Variants in ZEB1 observed in about 807,000 individuals in gnomAD.
ZEB1 encodes the protein zinc finger E-box binding homeobox 1.
In ZEB1, 21 loss-of-function variants were observed where a neutral mutation model predicts 84.9. That is an observed-to-expected ratio of 0.25 (90% confidence interval 0.18 to 0.36). ZEB1 has a LOEUF of 0.36. Among genes scored for constraint, ZEB1 ranks in the 10% least tolerant of loss-of-function variants. ZEB1 has a pLI of 1.00. For missense variants in ZEB1, 1,104 were observed against 1,330.2 expected, an observed-to-expected ratio of 0.83 and a Z score of 2.65; for synonymous variants, 420 against 471.1, an observed-to-expected ratio of 0.89 and a Z score of 1.41.
intron 1 of ZEB1, among the ~76,000 whole-genome samples, chr10:31,325,562 G>C (rs1322869987): frequency 6.6e-6 from 1 of 151,920 alleles, no homozygotes; most frequent in Non-Finnish European, 1.5e-5. Context: ...ATGGCAACCT[G>C]GGAAAACCTT....
At chr10:31,514,789 T>C (rs1592033593) in intron 6 of ZEB1, 81 bp downstream of exon 6, 1 of 1,152,236 alleles carries the variant, frequency 8.7e-7, no homozygotes, top group Non-Finnish European at 1.3e-6. Flanking sequence ...GTAATCTACG[T>C]ACATGATCAG....
chr10:31,415,402 G>A (rs74836078), intron 1 of ZEB1, among the ~76,000 whole-genome samples: 2,317 of 151,934 alleles, frequency 0.015, 36 homozygotes, highest in Non-Finnish European at 0.021. Flanking sequence ...TGTGTGTGGT[G>A]GTAAGGTTTT....
intron 1 of ZEB1, among the ~76,000 whole-genome samples, chr10:31,407,337 C>A (rs915786873): frequency 1.4e-5 from 2 of 146,940 alleles, no homozygotes; most frequent in African/African-American, 5.1e-5. Context: ...TGAGTGAGAA[C>A]ATGCGGTGTT....
intron 2 of ZEB1, among the ~76,000 whole-genome samples, chr10:31,467,760 T>C: frequency 6.6e-6 from 1 of 151,018 alleles, no homozygotes; most frequent in African/African-American, 2.4e-5. Flanking sequence ...CAGGGAAGAG[T>C]GTGGTGTGGG....
At chr10:31,319,176 GGGAAGGGGGA>G, upstream of ZEB1, 1 of 1,128,596 alleles carries the variant, frequency 8.9e-7, no homozygotes, top group Non-Finnish European at 1.2e-6. Flanking sequence ...AGGGGTGGGG[GGGAAGGGGGA>G]GGGAGGGGGA....
intron 2 of ZEB1, among the ~76,000 whole-genome samples, chr10:31,472,061 A>G (rs900211273): frequency 6.7e-6 from 1 of 150,208 alleles, no homozygotes; most frequent in African/African-American, 2.5e-5. Context: ...CATTCAAAGC[A>G]GTGTGTAGAG....
intron 3 of ZEB1, among the ~76,000 whole-genome samples, chr10:31,501,069 G>A (rs1237583609): frequency 2.0e-5 from 3 of 152,200 alleles, no homozygotes; most frequent in Non-Finnish European, 4.4e-5. Flanking sequence ...TAGCAAGATT[G>A]TTTTAATAAC....
At position 31,485,877 on chromosome 10, in the gene ZEB1, G is replaced by A. The variant is rs560891429; in HGVS notation, c.260-9899G>A. Reference sequence around the variant, plus strand: ...TCATCAGAGCACTATCGTGCTACCCGTTTTTAGTCACATTTTCATTCTACC... The same window carrying A: ...TCATCAGAGCACTATCGTGCTACCCATTTTTAGTCACATTTTCATTCTACC... On this transcript the variant is annotated intron_variant, in intron 2 of 8. Transcript: ENST00000424869. Among the ~76,000 whole-genome samples, 378 of 151,882 alleles carry A rather than the reference G, an allele frequency of 2.5e-3. 4 individuals are homozygous for A. Among genetic ancestry groups the A allele is most frequent in the Non-Finnish European group, 1.2e-3 (79 of 67,858 alleles).
chr10:31,482,627 A>G (rs1436834557), intron 2 of ZEB1, among the ~76,000 whole-genome samples: 2 of 152,074 alleles, frequency 1.3e-5, no homozygotes, highest in African/African-American at 4.8e-5. Context: ...GTTAAAGGGT[A>G]TACAAGAATG....
chr10:31,470,100 A>G (rs2063008660), intron 2 of ZEB1, among the ~76,000 whole-genome samples: 1 of 152,114 alleles, frequency 6.6e-6, no homozygotes, highest in Non-Finnish European at 1.5e-5. Context: ...AGATAAAACC[A>G]CAAAGATGGG....
intron 1 of ZEB1, among the ~76,000 whole-genome samples, chr10:31,429,392 T>G (rs928343296): frequency 6.6e-6 from 1 of 152,192 alleles, no homozygotes; most frequent in Non-Finnish European, 1.5e-5. Context: ...TCCCAATCTC[T>G]TCTGGCTTGT....
intron 1 of ZEB1, among the ~76,000 whole-genome samples, chr10:31,380,670 T>C (rs1428790783): frequency 1.3e-5 from 2 of 152,184 alleles, no homozygotes; most frequent in African/African-American, 4.8e-5. Context: ...CTTCATAAAT[T>C]ACACCTTTTT....
At chr10:31,330,813 T>A (rs1490758667) in intron 1 of ZEB1, among the ~76,000 whole-genome samples, 1 of 126,066 alleles carries the variant, frequency 7.9e-6, no homozygotes, top group Non-Finnish European at 1.6e-5. Flanking sequence ...CCTATGTAAT[T>A]CTTATTTTAA....
chr10:31,455,363 A>G (rs958469736), intron 1 of ZEB1, among the ~76,000 whole-genome samples: 5 of 152,220 alleles, frequency 3.3e-5, no homozygotes, highest in African/African-American at 1.2e-4. Flanking sequence ...CAAAGACTTC[A>G]TATCTAAAAC....
chr10:31,410,689 A>G (rs1404146779), intron 1 of ZEB1, among the ~76,000 whole-genome samples: 3 of 152,118 alleles, frequency 2.0e-5, no homozygotes, highest in Non-Finnish European at 2.9e-5. Context: ...AGAACTTGTT[A>G]TTGGTCTATT....
intron 2 of ZEB1, among the ~76,000 whole-genome samples, chr10:31,476,717 G>A (rs1218042796): frequency 6.6e-6 from 1 of 152,010 alleles, no homozygotes; most frequent in African/African-American, 2.4e-5. Flanking sequence ...TCACAATCAA[G>A]TGTGTTTTAT....
chr10:31,369,560 T>C lies in ZEB1; in HGVS notation c.58+50268T>C, dbSNP rs149479068. On this transcript the variant is annotated intron_variant, in intron 1 of 8. Transcript: ENST00000424869. ...TTTCCCCTTTTTAAATGCTGAATAG[T>C]ATTCCATTGTCTGTATATACCACAT... is the stretch of plus-strand genomic sequence containing the variant. Among the ~76,000 whole-genome samples, 234 of 152,376 alleles carry C rather than the reference T, an allele frequency of 1.5e-3. 4 individuals carry two copies. The East Asian group carries it at 0.042, about 27-fold the overall frequency.
intron 1 of ZEB1, among the ~76,000 whole-genome samples, chr10:31,415,270 C>T (rs1418210867): frequency 6.6e-6 from 1 of 152,104 alleles, no homozygotes; most frequent in African/African-American, 2.4e-5. Context: ...AGCCCCTTTA[C>T]TGTCTACATT....
chr10:31,364,372 C>T (rs971544181), intron 1 of ZEB1, among the ~76,000 whole-genome samples: 5 of 152,240 alleles, frequency 3.3e-5, no homozygotes, highest in Non-Finnish European at 5.9e-5. Flanking sequence ...GCTGATCCGC[C>T]AGAGCCCTTC....
Sources: allele counts gnomAD v4.1 joint callset (sites outside exome capture counted in the v4.1 genomes callset), GRCh38; gene constraint gnomAD v4.1.1; transcripts MANE v1.5; gene names NCBI Gene and HGNC (gene_info 2026-07-23, HGNC 2026-07-21).